C5orf24: variants seen among roughly 807,000 people sequenced by gnomAD.
C5orf24 encodes the protein chromosome 5 open reading frame 24, also known as UPF0461 protein C5orf24.
In C5orf24, 4 loss-of-function variants were observed where a neutral mutation model predicts 9.8. The ratio of observed to expected loss-of-function variants is 0.41; its 90% CI spans 0.20 to 0.93. C5orf24 has a LOEUF of 0.93. Among genes scored for constraint, C5orf24 ranks in the 40% least tolerant of loss-of-function variants. The probability of loss-of-function intolerance (pLI) is 0.33; values close to 1 mark genes in which losing one functional copy is unlikely to be tolerated. For missense variants in C5orf24, 170 were observed against 236.9 expected (o/e 0.72, Z 1.85); for synonymous variants, 73 against 81.3 (o/e 0.90, Z 0.55).
chr5:134,854,162 G>A (rs1215559068), intron 1 of C5orf24, among the ~76,000 whole-genome samples: 1 of 152,156 alleles, frequency 6.6e-6, no homozygotes, highest in African/African-American at 2.4e-5. Context: ...TTTGTATAAT[G>A]TTCACTCATT....
chr5:134,841,584 C>CA (rs928746268), upstream of C5orf24, among the ~76,000 whole-genome samples: 39 of 147,200 alleles, frequency 2.6e-4, no homozygotes, highest in African/African-American at 7.0e-4. Context: ...GAGACTGTCT[C>CA]AAAAAAAAAA....
chr5:134,840,305 CAAAAAAAAAAAAAA>C, the C5orf24 span, among the ~76,000 whole-genome samples: 2 of 53,412 alleles, frequency 3.7e-5, no homozygotes, highest in South Asian at 6.9e-4. Context: ...GACTGCATCT[CAAAAAAAAAAAAAA>C]AAAAAAAAGA....
At chr5:134,841,993 C>A (rs1351770163), upstream of C5orf24, among the ~76,000 whole-genome samples, 1 of 152,094 alleles carries the variant, frequency 6.6e-6, no homozygotes, top group Non-Finnish European at 1.5e-5. Flanking sequence ...TAGTAGGAGG[C>A]TGATTGCTTT....
intron 1 of C5orf24, among the ~76,000 whole-genome samples, chr5:134,851,017 TTTA>T (rs1756145989): frequency 1.3e-5 from 2 of 150,556 alleles, no homozygotes; most frequent in East Asian, 3.9e-4. Flanking sequence ...TATTTATTTA[TTTA>T]TTTATTTATT....
rs768488363 is a variant in C5orf24, at chr5:134,858,306, A to T, written c.*2839A>T. 6.0e-6 allele frequency: 1 copy of T among 167,086 alleles called. No homozygotes were observed. The highest frequency in any genetic ancestry group is 2.4e-5 in the African/African-American group (1 of 41,480). 10.4% of individuals were successfully genotyped at this position (167,086 alleles called of 1,614,324 possible). ...CCGGTGCCATGCTGAAGAGAAAGACATCTAAGTGATAACATGAATGAAGTC... is the reference window on the plus strand; with the variant it reads ...CCGGTGCCATGCTGAAGAGAAAGACTTCTAAGTGATAACATGAATGAAGTC... On this transcript the variant is annotated 3_prime_UTR_variant, in exon 2 of 2. Coordinates refer to ENST00000394976, the MANE Select transcript of C5orf24 (RefSeq NM_001135586.1).
At chr5:134,835,246 C>T in the C5orf24 span, among the ~76,000 whole-genome samples, 4 of 152,064 alleles carry the variant, frequency 2.6e-5, no homozygotes, top group African/African-American at 9.7e-5. Context: ...CTATGATACA[C>T]ATTTAAGTTT....
chr5:134,846,871 G>T (rs73299361), intron 1 of C5orf24: 3,446 of 152,204 alleles, frequency 0.023, 65 homozygotes, highest in African/African-American at 0.054. Context: ...GAGGTGAGTT[G>T]CAAATCTTCA....
At position 134,856,601 on chromosome 5, in the gene C5orf24, A is replaced by C. The variant is rs1212728904; in HGVS notation, c.*1134A>C. The C allele has an allele frequency of 1.1e-5, 6 of 535,732 alleles. No homozygotes were observed. Among genetic ancestry groups the C allele is most frequent in the Non-Finnish European group, 1.5e-5 (6 of 406,176 alleles). The allele number at this position is 535,732 out of a possible 1,614,324, so 33.2% of individuals were successfully genotyped here. ...GGTTGCAGTGAGCCAAGATTGTGCCACTGCACTCCAGCCTGGGTGACAGAG... is the reference window on the plus strand; with the variant it reads ...GGTTGCAGTGAGCCAAGATTGTGCCCCTGCACTCCAGCCTGGGTGACAGAG... On this transcript the variant is annotated 3_prime_UTR_variant, in exon 2 of 2. Coordinates refer to ENST00000394976, the MANE Select transcript of C5orf24 (RefSeq NM_001135586.1).
upstream of C5orf24, among the ~76,000 whole-genome samples, chr5:134,842,975 T>G (rs1755921294): frequency 6.6e-6 from 1 of 152,026 alleles, no homozygotes; most frequent in South Asian, 2.1e-4. Flanking sequence ...GATGAATATT[T>G]GTCCCCATAA....
chr5:134,842,516 T>C (rs549781916), upstream of C5orf24, among the ~76,000 whole-genome samples: 2 of 150,050 alleles, frequency 1.3e-5, no homozygotes, highest in South Asian at 4.2e-4. Flanking sequence ...AAAGCTAAAG[T>C]CAACATATAG....
At chr5:134,852,591 A>G (rs1200077018) in intron 1 of C5orf24, among the ~76,000 whole-genome samples, 1 of 152,178 alleles carries the variant, frequency 6.6e-6, no homozygotes, top group Non-Finnish European at 1.5e-5. Flanking sequence ...GTTTTGGTGC[A>G]CTCTCACATG....
the C5orf24 span, among the ~76,000 whole-genome samples, chr5:134,840,305 CAAAA>C: frequency 3.7e-5 from 2 of 53,414 alleles, no homozygotes; most frequent in Non-Finnish European, 7.3e-5. Flanking sequence ...GACTGCATCT[CAAAA>C]AAAAAAAAAA....
rs1561891105 is a variant in C5orf24 at position 134,859,721 on chromosome 5, A to G, written c.*4254A>G. On this transcript the variant is annotated 3_prime_UTR_variant, in exon 2 of 2. Transcript: ENST00000394976. ...TGGATGTATATTTATTAATAAAGTC[A>G]TTACTTTAAAACCAGCTATGTTTAC... is the stretch of plus-strand genomic sequence containing the variant. The G allele has an allele frequency of 6.0e-6, 1 of 166,482 alleles. No individual in the cohort carries two copies. The highest frequency in any genetic ancestry group is 2.4e-5 in the African/African-American group (1 of 41,426). 10.3% of individuals were successfully genotyped at this position (166,482 alleles called of 1,614,324 possible).
In C5orf24 at chr5:134,855,621, A is replaced by G; in HGVS notation, c.*154A>G. 3 of 1,479,472 alleles carry G rather than the reference A, an allele frequency of 2.0e-6. No individual in the cohort carries two copies. The highest frequency in any genetic ancestry group is 1.4e-5 in the South Asian group (1 of 69,090). 91.6% of individuals were successfully genotyped at this position (1,479,472 alleles called of 1,614,324 possible). A position where few individuals can be genotyped will look rare whatever the true frequency, so the allele number is the denominator to read the frequency against. On this transcript the variant is annotated 3_prime_UTR_variant, in exon 2 of 2. Transcript: ENST00000394976. ...TTCCTGCTTTTGCTCAAAAACTGCCATATGCTGACAGATGCACTCAGGGCA... is the reference window on the plus strand; with the variant it reads ...TTCCTGCTTTTGCTCAAAAACTGCCGTATGCTGACAGATGCACTCAGGGCA...
rs545929215 is a variant in C5orf24, at chr5:134,857,421, T to C, written c.*1954T>C. ...GACACAATTGAGCTGGACTTTATGC[T>C]GCTCTTTACAGTAAGAGGTGTTGCA... On this transcript the variant is annotated 3_prime_UTR_variant, in exon 2 of 2. Transcript: ENST00000394976. The C allele has an allele frequency of 1.1e-5, 17 of 1,545,460 alleles. No homozygotes were observed. Among genetic ancestry groups the C allele is most frequent in the Non-Finnish European group, 1.5e-5 (17 of 1,143,784 alleles).
At chr5:134,853,718 C>T (rs1756230476) in intron 1 of C5orf24, among the ~76,000 whole-genome samples, 1 of 152,014 alleles carries the variant, frequency 6.6e-6, no homozygotes, top group Non-Finnish European at 1.5e-5. Context: ...ATGATCCACA[C>T]TGTATTTATG....
In C5orf24 at chr5:134,846,008, G is replaced by T. The variant is rs1231704322; in HGVS notation, c.-208G>T. 1 of 152,316 alleles carries T rather than the reference G, an allele frequency of 6.6e-6. No individual in the cohort carries two copies. The highest frequency in any genetic ancestry group is 1.9e-4 in the East Asian group (1 of 5,194). The allele number at this position is 152,316 out of a possible 1,614,324, so 9.4% of individuals were successfully genotyped here. ...TAGCGGCCTCTTCGTACTGCGTCCG[G>T]GGCAGGACCGTGCGCGGCGGCCGCG... On this transcript the variant is annotated 5_prime_UTR_variant, in exon 1 of 2. Transcript: ENST00000394976.
In C5orf24 at chr5:134,855,450, A is replaced by C; in HGVS notation, c.550A>C (p.Lys184Gln). The change falls in exon 2 of 2, where the codon AAA becomes CAA. Residue 184 changes from lysine to glutamine, a missense_variant. Lys to Gln is a moderately conservative substitution (Grantham distance 53). Coordinates refer to ENST00000394976, the MANE Select transcript of C5orf24 (RefSeq NM_001135586.1). The part of the protein sequence containing the change: ...HGVEETSSEV[K>Q]PPNE Reference sequence around the variant, plus strand: ...GGTAGAGGAAACTAGCAGTGAAGTCAAACCACCCAATGAGTGAATGAGGCA... The same window carrying C: ...GGTAGAGGAAACTAGCAGTGAAGTCCAACCACCCAATGAGTGAATGAGGCA... The C allele has an allele frequency of 6.2e-7, 1 of 1,614,206 alleles. No individual in the cohort carries two copies. Among genetic ancestry groups the C allele is most frequent in the East Asian group, 2.2e-5 (1 of 44,884 alleles).
At chr5:134,844,498 C>T (rs1755945045), upstream of C5orf24, among the ~76,000 whole-genome samples, 1 of 152,128 alleles carries the variant, frequency 6.6e-6, no homozygotes, top group Non-Finnish European at 1.5e-5. Context: ...GTACTCATCA[C>T]CACACCCAGC....
Sources: gnomAD v4.1 joint callset for allele counts (sites outside exome capture counted in the v4.1 genomes callset) on GRCh38, gnomAD v4.1.1 for gene constraint, MANE v1.5 for transcripts, NCBI Gene and HGNC (gene_info 2026-07-23, HGNC 2026-07-21) for gene names.